The following OSER1 variants were observed in gnomAD, a reference collection of about 807,000 sequenced individuals.
OSER1 encodes the protein oxidative stress-responsive serine-rich protein 1.
Under a neutral mutation model 26.3 loss-of-function variants are expected in OSER1, and 15 were observed. That is an observed-to-expected ratio of 0.57 (90% CI 0.38 to 0.88). OSER1 has a LOEUF of 0.88. Among genes scored for constraint, OSER1 ranks in the 40% least tolerant of loss-of-function variants. The probability of loss-of-function intolerance (pLI) is 0.00; values close to 1 mark genes in which losing one functional copy is unlikely to be tolerated. For synonymous variants in OSER1, 127 were observed against 128.2 expected (o/e 0.99, Z 0.07); for missense variants, 313 against 353.9 (o/e 0.88, Z 0.93).
At chr20:44,209,602 A>G (rs1237853323) in intron 1 of OSER1, among the ~76,000 whole-genome samples, 1 of 139,296 alleles carries the variant, frequency 7.2e-6, no homozygotes, top group Non-Finnish European at 1.5e-5. Context: ...TAAAAAGCCT[A>G]TTCGAAGTTA....
At chr20:44,211,372 A>G (rs1233482347), upstream of OSER1, 1 of 152,230 alleles carries the variant, frequency 6.6e-6, no homozygotes, top group Non-Finnish European at 1.5e-5. Flanking sequence ...GGACGTGGCC[A>G]GGGTCAATAG....
chr20:44,202,878 A>C, intron 3 of OSER1, 83 bp downstream of exon 3: 1 of 746,046 alleles, frequency 1.3e-6, no homozygotes, highest in Admixed American at 2.2e-5. Flanking sequence ...ATCATAACCT[A>C]ACTCTTTTCT....
At position 44,210,741 on chromosome 20, in the gene OSER1, G is replaced by A. The variant is rs1410943494; in HGVS notation, c.-87C>T. 6.6e-6 allele frequency: 1 copy of A among 152,400 alleles called. No homozygotes were observed. The highest frequency in any genetic ancestry group is 2.4e-5 in the African/African-American group (1 of 41,474). 9.4% of individuals were successfully genotyped at this position (152,400 alleles called of 1,614,324 possible). ...CCGGTGATGCGGGGCAGTCAGTTCAGAGCGTCTCTCCCAAATCTCGGCACC... is the reference window on the plus strand; with the variant it reads ...CCGGTGATGCGGGGCAGTCAGTTCAAAGCGTCTCTCCCAAATCTCGGCACC... On this transcript the variant is annotated 5_prime_UTR_variant, in exon 1 of 4. Transcript: ENST00000255174.
chr20:44,211,786 C>T (rs549125954), upstream of OSER1, among the ~76,000 whole-genome samples: 94 of 152,322 alleles, frequency 6.2e-4, no homozygotes, highest in Non-Finnish European at 2.8e-4. Flanking sequence ...CCTCGCCTGC[C>T]AATCTCCAGC....
At chr20:44,203,252 A>G (rs1256020616) in intron 2 of OSER1, among the ~76,000 whole-genome samples, 178 bp from the exon 3 acceptor site, 1 of 151,782 alleles carries the variant, frequency 6.6e-6, no homozygotes, top group Non-Finnish European at 1.5e-5. Context: ...GAGTATCCCT[A>G]AAAGCCCATG....
intron 2 of OSER1, among the ~76,000 whole-genome samples, chr20:44,205,453 A>T (rs2073028415): frequency 6.6e-6 from 1 of 152,240 alleles, no homozygotes. Flanking sequence ...GTAACATGGA[A>T]GCAAATATGA....
At chr20:44,200,261 C>G (rs552595987) in intron 3 of OSER1, among the ~76,000 whole-genome samples, 10 of 152,292 alleles carry the variant, frequency 6.6e-5, no homozygotes, top group Admixed American at 5.9e-4. Context: ...GAGATCTGAG[C>G]CTCACTGGGA....
chr20:44,207,038 G>T, intron 1 of OSER1, 40 bp from the exon 2 acceptor site: 1 of 985,634 alleles, frequency 1.0e-6, no homozygotes, highest in Non-Finnish European at 1.6e-6. Flanking sequence ...AAAACAGGTG[G>T]GATCAAAAGT....
chr20:44,199,471 T>G (rs1055112303), intron 3 of OSER1, among the ~76,000 whole-genome samples: 2 of 152,162 alleles, frequency 1.3e-5, no homozygotes, highest in Non-Finnish European at 2.9e-5. Flanking sequence ...ATGTAAGAAA[T>G]AAGTCTCTTT....
Position 44,196,799 on chromosome 20 carries a change from C to CT in OSER1, c.*252dup, listed in dbSNP as rs2072923308. 1 of 403,004 alleles carries CT rather than the reference C, an allele frequency of 2.5e-6. No individual in the cohort carries two copies. Among genetic ancestry groups the CT allele is most frequent in the African/African-American group, 2.0e-5 (1 of 50,116 alleles). 25.0% of individuals were successfully genotyped at this position (403,004 alleles called of 1,614,324 possible). A position where few individuals can be genotyped will look rare whatever the true frequency, so the allele number is the denominator to read the frequency against. On this transcript the variant is annotated 3_prime_UTR_variant, in exon 4 of 4. Transcript: ENST00000255174. ...TGCCAGTCTCAAGTAATTATGGTTT[C>CT]TTCATCCCCCAGGAACATTTCTAAA...
At chr20:44,207,578 T>G (rs535653759) in intron 1 of OSER1, 1 of 152,266 alleles carries the variant, frequency 6.6e-6, no homozygotes, top group South Asian at 2.1e-4. Context: ...CTTCCATTTG[T>G]GTTTTTCTTC....
intron 2 of OSER1, among the ~76,000 whole-genome samples, chr20:44,206,165 GAAT>G (rs1158812550): frequency 6.6e-6 from 1 of 152,164 alleles, no homozygotes; most frequent in African/African-American, 2.4e-5. Flanking sequence ...CACAGGAAGT[GAAT>G]AATAAACTTT....
chr20:44,199,324 G>A lies in OSER1; in HGVS notation c.192-1585C>T, dbSNP rs78056600. The stretch of plus-strand genomic sequence containing the variant: ...GGACAGGGATAGTTATCACAAGAAC[G>A]GCTCTGTTATAAAAGCCGGTTTGGC... On this transcript the variant is annotated intron_variant, in intron 3 of 3. Coordinates refer to ENST00000255174, the MANE Select transcript of OSER1 (RefSeq NM_016470.8). Among the ~76,000 whole-genome samples, 1,058 of 152,196 alleles carry A rather than the reference G, an allele frequency of 7.0e-3. 6 individuals are homozygous for A. Among genetic ancestry groups the A allele is most frequent in the Non-Finnish European group, 0.01 (710 of 68,022 alleles).
chr20:44,196,482 ACT>A lies in OSER1; in HGVS notation c.*568_*569del, dbSNP rs1263902041. 8 of 152,688 alleles carry A rather than the reference ACT, an allele frequency of 5.2e-5. No individual in the cohort carries two copies. The East Asian group carries it at 5.8e-4, about 11-fold the overall frequency. The allele number at this position is 152,688 out of a possible 1,614,324, so 9.5% of individuals were successfully genotyped here. On this transcript the variant is annotated 3_prime_UTR_variant, in exon 4 of 4. Transcript: ENST00000255174. ...GGGGCTTATTTAGTGATGGTTAATA[ACT>A]CTCTCAAACAATAGAGGGCAGGCCA...
chr20:44,203,730 A>ACACACACACACACC (rs1345326374), intron 2 of OSER1, among the ~76,000 whole-genome samples: 1 of 147,252 alleles, frequency 6.8e-6, no homozygotes, highest in African/African-American at 2.5e-5. Flanking sequence ...ACACACACAC[A>ACACACACACACACC]CCCCTCCTAC....
At chr20:44,203,300 T>C (rs1478686098) in intron 2 of OSER1, among the ~76,000 whole-genome samples, 1 of 152,112 alleles carries the variant, frequency 6.6e-6, no homozygotes, top group African/African-American at 2.4e-5. Flanking sequence ...CTGGTAAGTG[T>C]ACCCAGCAGC....
chr20:44,208,681 C>T (rs548129161), intron 1 of OSER1, among the ~76,000 whole-genome samples: 3 of 152,142 alleles, frequency 2.0e-5, no homozygotes, highest in Non-Finnish European at 4.4e-5. Flanking sequence ...AGCTTCACAT[C>T]ATCTAAAAGA....
intron 1 of OSER1, among the ~76,000 whole-genome samples, chr20:44,210,436 G>A (rs2073090854): frequency 6.6e-6 from 1 of 152,230 alleles, no homozygotes; most frequent in African/African-American, 2.4e-5. Flanking sequence ...GGGAGACGGC[G>A]GAGGAGCGAG....
intron 2 of OSER1, among the ~76,000 whole-genome samples, chr20:44,206,615 G>A (rs914203184): frequency 6.6e-6 from 1 of 152,168 alleles, no homozygotes. Context: ...AAAAGAAGTG[G>A]GGGGGAAGCC....
Sources: allele counts gnomAD v4.1 joint callset (sites outside exome capture counted in the v4.1 genomes callset), GRCh38; gene constraint gnomAD v4.1.1; transcripts MANE v1.5; gene names NCBI Gene and HGNC (gene_info 2026-07-23, HGNC 2026-07-21).